HCN1: variants seen among roughly 807,000 people sequenced by gnomAD.
HCN1 encodes potassium/sodium hyperpolarization-activated cyclic nucleotide-gated channel 1.
A neutral mutation model predicts 78.9 loss-of-function variants in HCN1; 13 were observed. The observed-to-expected ratio is 0.16, with a 90% confidence interval of 0.11 to 0.26. HCN1 has a LOEUF of 0.26. HCN1 is among the 10% of genes least tolerant of loss of function. The pLI is 1.00. For missense variants in HCN1, 810 were observed against 1,154.3 expected, an observed-to-expected ratio of 0.70 and a Z score of 4.32; for synonymous variants, 552 against 455.5, an observed-to-expected ratio of 1.21 and a Z score of -2.70.
At chr5:45,599,700 ATTG>A (rs1325742881) in intron 2 of HCN1, among the ~76,000 whole-genome samples, 2 of 152,090 alleles carry the variant, frequency 1.3e-5, no homozygotes, top group African/African-American at 2.4e-5. Context: ...GCTTTTTACT[ATTG>A]TTGTGAAAAA....
At chr5:45,638,145 AG>A (rs1745391239) in intron 2 of HCN1, among the ~76,000 whole-genome samples, 3 of 152,108 alleles carry the variant, frequency 2.0e-5, no homozygotes, top group Admixed American at 1.3e-4. Context: ...GAGAAGGAGA[AG>A]AACACTTTTT....
At chr5:45,472,559 G>A (rs1378108344) in intron 2 of HCN1, among the ~76,000 whole-genome samples, 2 of 139,444 alleles carry the variant, frequency 1.4e-5, no homozygotes, top group African/African-American at 5.4e-5. Flanking sequence ...ATGGAGGGAG[G>A]GAGGAAAGGA....
intron 7 of HCN1, among the ~76,000 whole-genome samples, chr5:45,263,628 G>C (rs1031803632): frequency 2.6e-5 from 4 of 152,136 alleles, no homozygotes; most frequent in Non-Finnish European, 4.4e-5. Context: ...CTCAGTCCTA[G>C]TTGGATATTT....
rs112831669 is a variant in HCN1 at position 45,679,867 on chromosome 5, C to T, written c.425+15802G>A. On this transcript the variant is annotated intron_variant, in intron 1 of 7. Coordinates refer to ENST00000303230, the MANE Select transcript of HCN1 (RefSeq NM_021072.4). ...TTGCTGTGACACTGATTTAAGAACA[C>T]ATTTTGGTCATTACTATCTCTTGCT... 6.5e-3 allele frequency among the ~76,000 whole-genome samples: 983 copies of T among 152,140 alleles called. 5 individuals are homozygous for T. Among genetic ancestry groups the T allele is most frequent in the African/African-American group, 0.023 (948 of 41,548 alleles).
chr5:45,348,255 C>A (rs1465834924), intron 5 of HCN1, among the ~76,000 whole-genome samples: 3 of 152,138 alleles, frequency 2.0e-5, no homozygotes, highest in African/African-American at 7.2e-5. Flanking sequence ...AATTTCATAT[C>A]CAGCCAAGCT....
At chr5:45,547,442 T>C (rs1000219912) in intron 2 of HCN1, among the ~76,000 whole-genome samples, 1 of 151,946 alleles carries the variant, frequency 6.6e-6, no homozygotes, top group African/African-American at 2.4e-5. Flanking sequence ...CATTTACTAC[T>C]AGCGGAGTAT....
chr5:45,344,617 T>G (rs954990561), intron 5 of HCN1, among the ~76,000 whole-genome samples: 1 of 152,200 alleles, frequency 6.6e-6, no homozygotes, highest in African/African-American at 2.4e-5. Context: ...AAAGGCCTCA[T>G]GCAAATCCAA....
chr5:45,531,438 T>C (rs1304935541), intron 2 of HCN1, among the ~76,000 whole-genome samples: 1 of 152,162 alleles, frequency 6.6e-6, no homozygotes, highest in Non-Finnish European at 1.5e-5. Context: ...TTGTAATGCC[T>C]TCAAGGTTAT....
intron 2 of HCN1, among the ~76,000 whole-genome samples, chr5:45,494,548 G>A (rs1302139174): frequency 1.3e-5 from 2 of 151,866 alleles, no homozygotes; most frequent in African/African-American, 2.4e-5. Context: ...CATTTTGTGG[G>A]TTGCCTGTTC....
At chr5:45,351,044 C>T (rs1382578282) in intron 5 of HCN1, among the ~76,000 whole-genome samples, 2 of 152,020 alleles carry the variant, frequency 1.3e-5, no homozygotes, top group African/African-American at 2.4e-5. Context: ...ACATATGGAA[C>T]CAAAAAAGAG....
Position 45,572,418 on chromosome 5 carries a change from A to G in HCN1, c.849+72767T>C, listed in dbSNP as rs866791914. Among the ~76,000 whole-genome samples the G allele has an allele frequency of 7.9e-5, 12 of 152,160 alleles. No individual in the cohort carries two copies. The South Asian group carries it at 1.2e-3, about 16-fold the overall frequency. ...GAATGCTCAAAGTACTTTAAAGAGA[A>G]TTAACCTGGATATAGTGCAATCTGC... is the stretch of plus-strand genomic sequence containing the variant. On this transcript the variant is annotated intron_variant, in intron 2 of 7. Coordinates refer to ENST00000303230, the MANE Select transcript of HCN1 (RefSeq NM_021072.4).
chr5:45,470,342 C>A (rs920334827), intron 2 of HCN1, among the ~76,000 whole-genome samples: 1 of 151,922 alleles, frequency 6.6e-6, no homozygotes, highest in African/African-American at 2.4e-5. Context: ...TGTGAACAAA[C>A]CATGCATTCT....
chr5:45,657,637 A>G (rs532982777), intron 1 of HCN1, among the ~76,000 whole-genome samples: 6 of 152,206 alleles, frequency 3.9e-5, no homozygotes, highest in Non-Finnish European at 7.3e-5. Flanking sequence ...ACTCCCATTT[A>G]CAATTGCTTC....
At chr5:45,347,112 C>T (rs943456989) in intron 5 of HCN1, among the ~76,000 whole-genome samples, 7 of 152,172 alleles carry the variant, frequency 4.6e-5, no homozygotes, top group African/African-American at 1.7e-4. Context: ...CTGGGAGGCA[C>T]CTCCCAGTAG....
chr5:45,327,057 G>T (rs1044549340), intron 5 of HCN1, among the ~76,000 whole-genome samples: 3 of 151,618 alleles, frequency 2.0e-5, no homozygotes, highest in African/African-American at 7.3e-5. Flanking sequence ...TAGAGAATTT[G>T]TATCTCTGCT....
intron 2 of HCN1, among the ~76,000 whole-genome samples, chr5:45,500,458 C>A (rs1306683415): frequency 6.6e-6 from 1 of 152,086 alleles, no homozygotes; most frequent in Non-Finnish European, 1.5e-5. Flanking sequence ...ACAAGTGATA[C>A]TTATGAGGCC....
At chr5:45,505,738 TA>T (rs1742284273) in intron 2 of HCN1, among the ~76,000 whole-genome samples, 1 of 152,194 alleles carries the variant, frequency 6.6e-6, no homozygotes, top group South Asian at 2.1e-4. Context: ...AGTTTATTAA[TA>T]TTTTTCATAT....
chr5:45,311,260 G>A (rs1196232835), intron 5 of HCN1, among the ~76,000 whole-genome samples: 1 of 152,042 alleles, frequency 6.6e-6, no homozygotes, highest in African/African-American at 2.4e-5. Flanking sequence ...CAAAAATGTT[G>A]TTCCAAAGAA....
intron 2 of HCN1, among the ~76,000 whole-genome samples, chr5:45,601,591 C>A (rs980973065): frequency 2.0e-5 from 3 of 152,094 alleles, no homozygotes; most frequent in Non-Finnish European, 4.4e-5. Context: ...AGCACATGAT[C>A]TTTTGTACAC....
Sources: gnomAD v4.1 joint callset for allele counts (sites outside exome capture counted in the v4.1 genomes callset) on GRCh38, gnomAD v4.1.1 for gene constraint, MANE v1.5 for transcripts, NCBI Gene and HGNC (gene_info 2026-07-23, HGNC 2026-07-21) for gene names.